Variants in DOCK8 observed in about 807,000 individuals in gnomAD.
The protein encoded by DOCK8 is dedicator of cytokinesis 8.
Under a neutral mutation model 245.6 loss-of-function variants are expected in DOCK8, and 141 were observed. The observed-to-expected ratio is 0.57, with a 90% CI of 0.50 to 0.66. The LOEUF (loss-of-function observed/expected upper bound fraction) is 0.66. Among genes scored for constraint, DOCK8 ranks in the 30% least tolerant of loss-of-function variants. The probability of loss-of-function intolerance (pLI) is 0.00; values close to 1 mark genes in which losing one functional copy is unlikely to be tolerated. For synonymous variants in DOCK8, 1,168 were observed against 970.2 expected (o/e 1.20, Z -3.79); for missense variants, 2,965 against 2,603.4 (o/e 1.14, Z -3.02).
intron 16 of DOCK8, among the ~76,000 whole-genome samples, chr9:371,171 T>A (rs973929925): frequency 8.2e-6 from 1 of 121,500 alleles, no homozygotes; most frequent in East Asian, 2.0e-4. Flanking sequence ...TGTGGGGGAG[T>A]TGTTTTTTGT....
In DOCK8 at chr9:426,955, C is replaced by G; in HGVS notation, c.4312C>G (p.Leu1438Val). The G allele has an allele frequency of 1.2e-6, 2 of 1,614,040 alleles. No homozygotes were observed. Among genetic ancestry groups the G allele is most frequent in the Non-Finnish European group, 1.7e-6 (2 of 1,180,000 alleles). The change falls in exon 34 of 48, where the codon CTG becomes GTG. Residue 1438 changes from leucine (L) to valine (V), a missense_variant. Physicochemically the swap from Leu to Val is conservative, Grantham distance 32. Around this residue, in one of 3 missense-constraint regions of DOCK8, gnomAD observed 2,825 missense variants for 2,453.5 expected, o/e 1.15. Transcript: ENST00000432829. ...GGCTACAGAAGCACATTTAATCATC[C>G]TGGATATGCAGGAAAACATTATCCA... ...NLATEAHLIILDMQENIIQAS... is the reference protein window; with the variant it reads ...NLATEAHLIIVDMQENIIQAS...
intron 5 of DOCK8, among the ~76,000 whole-genome samples, chr9:311,043 T>A (rs2050085945): frequency 6.6e-6 from 1 of 152,066 alleles, no homozygotes; most frequent in South Asian, 2.1e-4. Flanking sequence ...CCTAGCACTT[T>A]GGGAGGTTGA....
At chr9:355,197 T>TC (rs1563957038) in intron 14 of DOCK8, among the ~76,000 whole-genome samples, 1 of 16,970 alleles carries the variant, frequency 5.9e-5, no homozygotes, top group African/African-American at 1.3e-4. Context: ...CTTTTCTTTT[T>TC]TTTTTTTTTT....
At chr9:287,184 A>T (rs1380393345) in intron 3 of DOCK8, among the ~76,000 whole-genome samples, 1 of 152,226 alleles carries the variant, frequency 6.6e-6, no homozygotes, top group Non-Finnish European at 1.5e-5. Flanking sequence ...AGAAAGTGTC[A>T]TGCAGTGCTA....
intron 18 of DOCK8, among the ~76,000 whole-genome samples, chr9:374,451 G>GTTTTT (rs1563980130): frequency 1.2e-5 from 1 of 83,594 alleles, no homozygotes; most frequent in Admixed American, 1.5e-4. Context: ...TGGTCCTTTT[G>GTTTTT]TGTTTTTTTT....
Position 420,995 on chromosome 9 carries a change from C to T in DOCK8, c.4070C>T (p.Ser1357Leu). ...DKVSTQVLQK[S>L]RDVKARLEEA... The stretch of plus-strand genomic sequence containing the variant: ...GTCAGTACCCAAGTCCTGCAGAAGT[C>T]AAGGGATGTCAAGGCCCGGCTGGAA... Residue 1357 changes from serine (S) to leucine (L), a missense_variant, in exon 32 of 48, where the codon TCA becomes TTA. Around this residue, in one of 3 missense-constraint regions of DOCK8, gnomAD observed 2,825 missense variants for 2,453.5 expected, o/e 1.15. Transcript: ENST00000432829. 1 of 1,614,150 alleles carries T rather than the reference C, an allele frequency of 6.2e-7. No homozygotes were observed. The highest frequency in any genetic ancestry group is 8.5e-7 in the Non-Finnish European group (1 of 1,180,022).
rs1039804893 is a variant in DOCK8, at chr9:390,572, A to G, written c.2970+6A>G. On this transcript the variant is annotated splice_donor_region_variant and intron_variant, in intron 24 of 47. Transcript: ENST00000432829. The stretch of plus-strand genomic sequence containing the variant: ...GGTTCTTCTTTGAGCTTCTGGTGAG[A>G]TTCTTGCGCGTTTGTATCTGTGCTC... 6.8e-6 allele frequency: 11 copies of G among 1,613,534 alleles called. No homozygotes were observed. The highest frequency in any genetic ancestry group is 9.3e-6 in the Non-Finnish European group (11 of 1,179,468).
intron 26 of DOCK8, among the ~76,000 whole-genome samples, chr9:403,100 G>C (rs1329130245): frequency 6.6e-6 from 1 of 152,108 alleles, no homozygotes; most frequent in Non-Finnish European, 1.5e-5. Context: ...ATGTTGGCCA[G>C]ACTGGTCTTG....
intron 46 of DOCK8, among the ~76,000 whole-genome samples, chr9:457,509 C>T (rs905950414): frequency 3.3e-5 from 5 of 152,078 alleles, no homozygotes; most frequent in Admixed American, 6.6e-5. Context: ...GACTTAAATA[C>T]GGAGATTGTC....
intron 20 of DOCK8, among the ~76,000 whole-genome samples, chr9:378,746 G>A (rs1184139658): frequency 6.6e-6 from 1 of 152,236 alleles, no homozygotes; most frequent in African/African-American, 2.4e-5. Context: ...ACAGGGTGTT[G>A]GCATAGGCAG....
intron 1 of DOCK8, among the ~76,000 whole-genome samples, chr9:263,801 A>G (rs1587686615): frequency 1.3e-5 from 2 of 152,264 alleles, no homozygotes; most frequent in South Asian, 2.1e-4. Context: ...CACTTTTTCA[A>G]TTGAGAAGTT....
At chr9:368,820 C>CTTTTTTT (rs71314707) in intron 15 of DOCK8, 18 of 94,274 alleles carry the variant, frequency 1.9e-4, no homozygotes, top group Admixed American at 3.3e-4. Flanking sequence ...TTCTTTTTTT[C>CTTTTTTT]TTTTTTTTTT....
At chr9:219,617 C>G (rs1443119394) in intron 1 of DOCK8, among the ~76,000 whole-genome samples, 1 of 152,154 alleles carries the variant, frequency 6.6e-6, no homozygotes, top group Non-Finnish European at 1.5e-5. Context: ...CAACCACAGG[C>G]TGGGCATGGT....
intron 26 of DOCK8, 51 bp from the exon 27 acceptor site, chr9:404,867 C>A: frequency 6.2e-7 from 1 of 1,607,290 alleles, no homozygotes; most frequent in Non-Finnish European, 8.5e-7. Flanking sequence ...AACCTCAACT[C>A]CACTTACCTT....
intron 2 of DOCK8, among the ~76,000 whole-genome samples, chr9:275,709 C>G (rs569643222): frequency 4.6e-5 from 7 of 150,846 alleles, no homozygotes; most frequent in African/African-American, 1.7e-4. Flanking sequence ...CTGCCTCAGC[C>G]TCCCCAGTAG....
intron 28 of DOCK8, among the ~76,000 whole-genome samples, chr9:413,866 G>C (rs1007273443): frequency 6.6e-6 from 1 of 152,224 alleles, no homozygotes; most frequent in African/African-American, 2.4e-5. Flanking sequence ...GAGGCTGGGC[G>C]CTCGGCGGCT....
intron 1 of DOCK8, among the ~76,000 whole-genome samples, chr9:257,981 T>C (rs547836765): frequency 6.6e-6 from 1 of 152,306 alleles, no homozygotes; most frequent in South Asian, 2.1e-4. Context: ...AGAGTGTGCA[T>C]GAAAATACAA....
At chr9:363,004 C>T (rs2052799718) in intron 14 of DOCK8, among the ~76,000 whole-genome samples, 1 of 152,128 alleles carries the variant, frequency 6.6e-6, no homozygotes, top group Admixed American at 6.5e-5. Context: ...CAAGTTAACC[C>T]CCAGAGCTGC....
rs150274605 is a variant in DOCK8 at position 400,025 on chromosome 9, C to CCACCAT, written c.3234+772_3234+777dup. Reference sequence around the variant, plus strand: ...ACCACCTCCACCATCACCACCACCTCCACCATCACCACCACCACCTCCACC... The same window carrying CCACCAT: ...ACCACCTCCACCATCACCACCACCTCCACCATCACCATCACCACCACCACCTCCACC... On this transcript the variant is annotated intron_variant, in intron 26 of 47. Transcript: ENST00000432829. Among the ~76,000 whole-genome samples, 374 of 91,116 alleles carry CCACCAT rather than the reference C, an allele frequency of 4.1e-3. 10 individuals are homozygous for CCACCAT. Among genetic ancestry groups the CCACCAT allele is most frequent in the African/African-American group, 0.021 (357 of 17,216 alleles). The allele number at this position is 91,116 out of a possible 152,430, so 59.8% of individuals were successfully genotyped here. A position where few individuals can be genotyped will look rare whatever the true frequency, so the allele number is the denominator to read the frequency against.
Sources: allele counts gnomAD v4.1 joint callset (sites outside exome capture counted in the v4.1 genomes callset), GRCh38; gene constraint gnomAD v4.1.1; regional missense constraint gnomAD v4.1.1; transcripts MANE v1.5; gene names NCBI Gene and HGNC (gene_info 2026-07-23, HGNC 2026-07-21).